The following CCSER1 variants were observed in gnomAD, a reference collection of about 807,000 sequenced individuals.
CCSER1 encodes the protein coiled-coil serine rich protein 1, also known as serine-rich coiled-coil domain-containing protein 1.
CCSER1 carries 41 observed loss-of-function variants against 82.0 expected under a neutral mutation model. The observed-to-expected ratio is 0.50, with a 90% confidence interval of 0.39 to 0.65. The LOEUF (loss-of-function observed/expected upper bound fraction) is 0.65. Among genes scored for constraint, CCSER1 ranks in the 30% least tolerant of loss-of-function variants. The probability of loss-of-function intolerance (pLI) is 0.00; values close to 1 mark genes in which losing one functional copy is unlikely to be tolerated. For synonymous variants in CCSER1, 414 were observed against 383.9 expected, an observed-to-expected ratio of 1.08 and a Z score of -0.92; for missense variants, 1,119 against 1,064.2, an observed-to-expected ratio of 1.05 and a Z score of -0.72.
At chr4:90,876,198 C>T (rs1017041497) in intron 8 of CCSER1, among the ~76,000 whole-genome samples, 2 of 152,164 alleles carry the variant, frequency 1.3e-5, no homozygotes, top group African/African-American at 2.4e-5. Context: ...TTTCACTCAT[C>T]CCATTCTTCA....
chr4:90,744,969 A>ATT (rs1424028172), intron 7 of CCSER1, among the ~76,000 whole-genome samples: 7 of 151,172 alleles, frequency 4.6e-5, no homozygotes, highest in African/African-American at 1.7e-4. Context: ...TTATATATAT[A>ATT]TATGTACTGC....
intron 10 of CCSER1, among the ~76,000 whole-genome samples, chr4:91,183,789 T>C (rs1227286551): frequency 1.3e-5 from 2 of 152,190 alleles, no homozygotes; most frequent in African/African-American, 4.8e-5. Context: ...ATGGACTTGC[T>C]TTTCAATTGG....
At chr4:90,947,023 G>T (rs1295017298) in intron 9 of CCSER1, among the ~76,000 whole-genome samples, 2 of 152,172 alleles carry the variant, frequency 1.3e-5, no homozygotes, top group African/African-American at 2.4e-5. Context: ...AGTCTCAGCG[G>T]GAAAGAGAAG....
intron 8 of CCSER1, among the ~76,000 whole-genome samples, chr4:90,876,298 A>G (rs1767199666): frequency 6.6e-6 from 1 of 152,042 alleles, no homozygotes; most frequent in Admixed American, 6.6e-5. Flanking sequence ...TTCTAACTCC[A>G]AGGGTATTCT....
At chr4:91,564,257 G>A (rs1422861237) in intron 10 of CCSER1, among the ~76,000 whole-genome samples, 2 of 151,806 alleles carry the variant, frequency 1.3e-5, no homozygotes, top group African/African-American at 2.4e-5. Context: ...GTATTCCATG[G>A]TGTATATAGG....
At chr4:90,477,534 A>G (rs1367354183) in intron 5 of CCSER1, among the ~76,000 whole-genome samples, 1 of 152,216 alleles carries the variant, frequency 6.6e-6, no homozygotes. Flanking sequence ...TTGGATCTCT[A>G]AGAATACATA....
rs184585503 is a variant in CCSER1 at position 91,396,521 on chromosome 4, A to G, written c.2218-202051A>G. On this transcript the variant is annotated intron_variant, in intron 10 of 10. Transcript: ENST00000509176. ...AGAAGAATGTACCTAAATTTTCAGT[A>G]AGCTGATCAAATTAGGAGAGCATCT... Among the ~76,000 whole-genome samples the G allele has an allele frequency of 8.5e-4, 129 of 152,168 alleles. 1 individual carries two copies. The highest frequency in any genetic ancestry group is 2.9e-3 in the African/African-American group (122 of 41,548).
intron 1 of CCSER1, among the ~76,000 whole-genome samples, chr4:90,287,967 C>A (rs1441013062): frequency 2.0e-5 from 3 of 151,294 alleles, no homozygotes; most frequent in South Asian, 4.2e-4. Context: ...TGAACAACAA[C>A]AAAAAAAACC....
At chr4:90,656,192 T>G (rs1729670497) in intron 6 of CCSER1, among the ~76,000 whole-genome samples, 1 of 151,950 alleles carries the variant, frequency 6.6e-6, no homozygotes, top group South Asian at 2.1e-4. Flanking sequence ...ACAGTCTAAA[T>G]GCTCTCAATA....
intron 1 of CCSER1, among the ~76,000 whole-genome samples, chr4:90,209,061 G>T (rs1031517559): frequency 1.3e-5 from 2 of 152,050 alleles, no homozygotes; most frequent in African/African-American, 4.8e-5. Flanking sequence ...ATAATTTTCA[G>T]GTCTCCTATT....
chr4:90,837,411 T>C (rs949432493), intron 8 of CCSER1, among the ~76,000 whole-genome samples: 1 of 152,202 alleles, frequency 6.6e-6, no homozygotes, highest in African/African-American at 2.4e-5. Context: ...CTTAGTTAGA[T>C]AGGATGGAAA....
At chr4:91,399,579 C>G (rs1323007605) in intron 10 of CCSER1, among the ~76,000 whole-genome samples, 1 of 151,888 alleles carries the variant, frequency 6.6e-6, no homozygotes, top group Non-Finnish European at 1.5e-5. Context: ...TTCCTGCTCC[C>G]AGGGTTTTAG....
At chr4:91,219,909 A>T (rs551938726) in intron 10 of CCSER1, among the ~76,000 whole-genome samples, 1 of 152,190 alleles carries the variant, frequency 6.6e-6, no homozygotes, top group Non-Finnish European at 1.5e-5. Context: ...AGAAATTTCT[A>T]TGTAGAGTAT....
At chr4:91,006,058 T>C (rs992360704) in intron 9 of CCSER1, among the ~76,000 whole-genome samples, 3 of 152,216 alleles carry the variant, frequency 2.0e-5, no homozygotes, top group African/African-American at 7.2e-5. Flanking sequence ...CTACTTGAGA[T>C]CTTTTATGGT....
intron 1 of CCSER1, among the ~76,000 whole-genome samples, chr4:90,167,540 T>C (rs879060165): frequency 6.6e-6 from 1 of 152,166 alleles, no homozygotes; most frequent in Non-Finnish European, 1.5e-5. Context: ...TTGTTACATA[T>C]GTATACATGT....
intron 10 of CCSER1, among the ~76,000 whole-genome samples, chr4:91,196,550 C>G (rs892963734): frequency 6.6e-6 from 1 of 152,110 alleles, no homozygotes; most frequent in African/African-American, 2.4e-5. Flanking sequence ...GTCATGACAA[C>G]CCCCCTGCCC....
chr4:90,903,071 A>C (rs1433929377), intron 8 of CCSER1, among the ~76,000 whole-genome samples: 1 of 152,134 alleles, frequency 6.6e-6, no homozygotes, highest in East Asian at 1.9e-4. Context: ...CACATTGACC[A>C]TTCTCTAAAA....
At chr4:91,504,957 TC>T (rs1759407908) in intron 10 of CCSER1, among the ~76,000 whole-genome samples, 2 of 152,204 alleles carry the variant, frequency 1.3e-5, no homozygotes, top group South Asian at 4.1e-4. Context: ...TATTTTAAGT[TC>T]CTGGGTACAT....
chr4:90,507,199 G>T (rs1770820468), intron 5 of CCSER1, among the ~76,000 whole-genome samples: 2 of 151,746 alleles, frequency 1.3e-5, no homozygotes, highest in African/African-American at 4.8e-5. Flanking sequence ...CTTCTTTCCT[G>T]CATCCGCAAT....
Sources: gnomAD v4.1 joint callset for allele counts (sites outside exome capture counted in the v4.1 genomes callset) on GRCh38, gnomAD v4.1.1 for gene constraint, MANE v1.5 for transcripts, NCBI Gene and HGNC (gene_info 2026-07-23, HGNC 2026-07-21) for gene names.